Variants in CACNG5 observed in about 807,000 individuals in gnomAD.
The protein encoded by CACNG5 is voltage-dependent calcium channel gamma-5 subunit.
In CACNG5, 18 loss-of-function variants were observed where a neutral mutation model predicts 24.8. The ratio of observed to expected loss-of-function variants is 0.73; its 90% confidence interval spans 0.50 to 1.08. The LOEUF is 1.08. Ranked by LOEUF, CACNG5 falls within the 50% of genes least tolerant of loss-of-function variation. CACNG5 has a pLI of 0.00. For missense variants in CACNG5, 349 were observed against 367.9 expected, an observed-to-expected ratio of 0.95 and a Z score of 0.42; for synonymous variants, 157 against 149.1, an observed-to-expected ratio of 1.05 and a Z score of -0.39.
In CACNG5 at chr17:66,894,653, A is replaced by G. The variant is rs1469299710; in HGVS notation, c.*9413A>G. Reference sequence around the variant, plus strand: ...CTCCACCCCATGAGCAACCATTCAGATGTGTTTAATATATATATTTTTGTT... The same window carrying G: ...CTCCACCCCATGAGCAACCATTCAGGTGTGTTTAATATATATATTTTTGTT... On this transcript the variant is annotated 3_prime_UTR_variant, in exon 6 of 6. Transcript: ENST00000533854. Among the ~76,000 whole-genome samples, 1 of 151,722 alleles carries G rather than the reference A, an allele frequency of 6.6e-6. No individual in the cohort carries two copies. The highest frequency in any genetic ancestry group is 1.9e-4 in the East Asian group (1 of 5,182).
intron 1 of CACNG5, among the ~76,000 whole-genome samples, chr17:66,867,302 C>T (rs761067687): frequency 8.6e-5 from 13 of 151,994 alleles, no homozygotes; most frequent in Non-Finnish European, 1.9e-4. Flanking sequence ...CCTTTGCCTA[C>T]CTTTTTATGG....
At chr17:66,853,963 G>T (rs1006049123) in intron 1 of CACNG5, among the ~76,000 whole-genome samples, 1 of 151,964 alleles carries the variant, frequency 6.6e-6, no homozygotes, top group African/African-American at 2.4e-5. Flanking sequence ...GAATTAGAAT[G>T]AAAAACTACA....
intron 4 of CACNG5, among the ~76,000 whole-genome samples, chr17:66,882,579 A>G (rs1977175525): frequency 6.6e-6 from 1 of 152,104 alleles, no homozygotes; most frequent in Admixed American, 6.5e-5. Flanking sequence ...TGACCTGTGC[A>G]TTTTCATGGA....
In CACNG5 at chr17:66,877,471, A is replaced by G; in HGVS notation, c.139A>G (p.Ser47Gly). Reference sequence around the variant, plus strand: ...GGGTGTGATTGTGCCCCAGAACCAGAGCACCGAGATCAAGATGTCCCTGCA... The same window carrying G: ...GGGTGTGATTGTGCCCCAGAACCAGGGCACCGAGATCAAGATGTCCCTGCA... Reference protein sequence around the residue: ...EEGVIVPQNQSTEIKMSLHSG... With the variant: ...EEGVIVPQNQGTEIKMSLHSG... The change falls in exon 2 of 6, where the codon AGC becomes GGC. Residue 47 changes from serine to glycine, a missense_variant. Transcript: ENST00000533854. 6.2e-7 allele frequency: 1 copy of G among 1,613,874 alleles called. No individual in the cohort carries two copies. The highest frequency in any genetic ancestry group is 2.2e-5 in the East Asian group (1 of 44,860).
At chr17:66,841,614 C>T (rs1976569494) in intron 1 of CACNG5, among the ~76,000 whole-genome samples, 1 of 152,120 alleles carries the variant, frequency 6.6e-6, no homozygotes, top group African/African-American at 2.4e-5. Context: ...TGCCTCCTGC[C>T]CAGGAATCTT....
rs571356369 is a variant in CACNG5 at position 66,841,507 on chromosome 17, A to T, written c.-104+6257A>T. ...TTCCACTCACCTGAAGATAACTTCC[A>T]GCAGGTGGCAGCCCTTTCTGTACCT... On this transcript the variant is annotated intron_variant, in intron 1 of 5. Coordinates refer to ENST00000533854, the MANE Select transcript of CACNG5 (RefSeq NM_145811.3). 6.4e-4 allele frequency among the ~76,000 whole-genome samples: 98 copies of T among 152,318 alleles called. 1 individual carries two copies. In the Middle Eastern group the frequency reaches 0.014, roughly 21 times the overall value.
At chr17:66,879,688 A>G (rs958155815) in intron 3 of CACNG5, among the ~76,000 whole-genome samples, 5 of 152,166 alleles carry the variant, frequency 3.3e-5, no homozygotes, top group Non-Finnish European at 7.3e-5. Flanking sequence ...CTGAATGTGG[A>G]GCTTCAGACT....
chr17:66,860,000 T>C (rs1976832516), intron 1 of CACNG5, among the ~76,000 whole-genome samples: 1 of 152,188 alleles, frequency 6.6e-6, no homozygotes, highest in Non-Finnish European at 1.5e-5. Flanking sequence ...TTTAGCTCAC[T>C]TATCTTAGGC....
At chr17:66,862,928 G>GTGTA (rs1976885141) in intron 1 of CACNG5, among the ~76,000 whole-genome samples, 1 of 151,296 alleles carries the variant, frequency 6.6e-6, no homozygotes. Context: ...GTGTGTGTGT[G>GTGTA]TGTGTGTGTG....
rs538867402 is a variant in CACNG5 at position 66,845,965 on chromosome 17, A to G, written c.-104+10715A>G. On this transcript the variant is annotated intron_variant, in intron 1 of 5. Coordinates refer to ENST00000533854, the MANE Select transcript of CACNG5 (RefSeq NM_145811.3). The stretch of plus-strand genomic sequence containing the variant: ...CTGACCTCCTGCCTCTTGGGGCTCC[A>G]AGACCAGGTGATGTGTGAAAGGGCG... Among the ~76,000 whole-genome samples, 8 of 152,254 alleles carry G rather than the reference A, an allele frequency of 5.3e-5. No individual in the cohort carries two copies. In the East Asian group the frequency reaches 1.4e-3, roughly 26 times the overall value.
rs893980476 is a variant in CACNG5, at chr17:66,886,244, G to C, written c.*1004G>C. Among the ~76,000 whole-genome samples, 24 of 152,306 alleles carry C rather than the reference G, an allele frequency of 1.6e-4. No individual in the cohort carries two copies. Among genetic ancestry groups the C allele is most frequent in the African/African-American group, 5.8e-4 (24 of 41,580 alleles). ...CCTGGGAGTGGGAGCTGGATTTGAG[G>C]ACACCTGGTGCAGCTTGAGTGCAAA... On this transcript the variant is annotated 3_prime_UTR_variant, in exon 6 of 6. Transcript: ENST00000533854.
At chr17:66,847,956 G>A (rs367648866) in intron 1 of CACNG5, among the ~76,000 whole-genome samples, 4 of 152,206 alleles carry the variant, frequency 2.6e-5, no homozygotes, top group Admixed American at 6.5e-5. Flanking sequence ...ACCCTTGGCC[G>A]GGGTAGGCTG....
intron 1 of CACNG5, among the ~76,000 whole-genome samples, chr17:66,850,300 G>C (rs1260920621): frequency 6.6e-6 from 1 of 152,190 alleles, no homozygotes; most frequent in African/African-American, 2.4e-5. Flanking sequence ...TTGGGCATTT[G>C]CAGACAGAGG....
chr17:66,862,303 G>A (rs1333211642), intron 1 of CACNG5, among the ~76,000 whole-genome samples: 1 of 151,876 alleles, frequency 6.6e-6, no homozygotes, highest in African/African-American at 2.4e-5. Context: ...GTGTTGGGGA[G>A]ACGTGAATAG....
rs1226442232 is a variant in CACNG5 at position 66,890,425 on chromosome 17, G to T, written c.*5185G>T. On this transcript the variant is annotated 3_prime_UTR_variant, in exon 6 of 6. Coordinates refer to ENST00000533854, the MANE Select transcript of CACNG5 (RefSeq NM_145811.3). The stretch of plus-strand genomic sequence containing the variant: ...AGCATCCACGTCTCCCAGGACAGGT[G>T]CTAGGGCCTCATGTCCTTGGTACTG... 6.6e-6 allele frequency among the ~76,000 whole-genome samples: 1 copy of T among 152,224 alleles called. No homozygotes were observed. Among genetic ancestry groups the T allele is most frequent in the Non-Finnish European group, 1.5e-5 (1 of 68,038 alleles).
rs1568076719 is a variant in CACNG5 at position 66,892,179 on chromosome 17, CA to C, written c.*6940del. On this transcript the variant is annotated 3_prime_UTR_variant, in exon 6 of 6. Transcript: ENST00000533854. ...GGTGGAAGCCCCAGGGACCTCCCCC[CA>C]CTCCTCGCTCTGTCTCAGCCTGCAC... 6.6e-6 allele frequency among the ~76,000 whole-genome samples: 1 copy of C among 152,216 alleles called. No homozygotes were observed. The highest frequency in any genetic ancestry group is 6.5e-5 in the Admixed American group (1 of 15,286).
At chr17:66,880,165 C>A (rs1977136873) in intron 3 of CACNG5, among the ~76,000 whole-genome samples, 1 of 152,164 alleles carries the variant, frequency 6.6e-6, no homozygotes, top group Non-Finnish European at 1.5e-5. Flanking sequence ...CAACCCCTTG[C>A]CCAAGGAAAT....
Position 66,837,911 on chromosome 17 carries a change from T to C in CACNG5, c.-104+2661T>C, listed in dbSNP as rs529912927. 4.1e-4 allele frequency among the ~76,000 whole-genome samples: 62 copies of C among 151,152 alleles called. 1 individual carries two copies. The highest frequency in any genetic ancestry group is 1.5e-3 in the African/African-American group (61 of 41,176). ...GGGGCAGGCCTCAGGCAGAGAAAGT[T>C]GTGAATATCAAGTGGGAATTCTCGG... is the stretch of plus-strand genomic sequence containing the variant. On this transcript the variant is annotated intron_variant, in intron 1 of 5. Coordinates refer to ENST00000533854, the MANE Select transcript of CACNG5 (RefSeq NM_145811.3).
intron 1 of CACNG5, among the ~76,000 whole-genome samples, chr17:66,867,366 A>G (rs1412937024): frequency 1.3e-5 from 2 of 152,082 alleles, no homozygotes; most frequent in African/African-American, 4.8e-5. Context: ...AATTCTGGGT[A>G]TTAGACCTTT....
Sources: allele counts gnomAD v4.1 joint callset (sites outside exome capture counted in the v4.1 genomes callset), GRCh38; gene constraint gnomAD v4.1.1; transcripts MANE v1.5; gene names NCBI Gene and HGNC (gene_info 2026-07-23, HGNC 2026-07-21).